CHIC1: variants seen among roughly 807,000 people sequenced by gnomAD.
CHIC1 encodes the protein cysteine rich hydrophobic domain 1, also known as cysteine-rich hydrophobic domain-containing protein 1.
CHIC1 carries 7 observed loss-of-function variants against 18.5 expected under a neutral mutation model. That is an observed-to-expected ratio of 0.38 (90% CI 0.22 to 0.71). The LOEUF is 0.71. CHIC1 is among the 30% of genes least tolerant of loss of function. The pLI is 0.49. For synonymous variants in CHIC1, 77 were observed against 73.5 expected, an observed-to-expected ratio of 1.05 and a Z score of -0.25; for missense variants, 159 against 176.9, an observed-to-expected ratio of 0.90 and a Z score of 0.57.
chrX:73,615,666 G>T (rs2057729298), intron 3 of CHIC1, among the ~76,000 whole-genome samples: 1 of 111,060 alleles, frequency 9.0e-6, no homozygotes, highest in Non-Finnish European at 1.9e-5. Flanking sequence ...CACTTGGGGG[G>T]TGGGGTTGGT....
At chrX:73,644,000 A>G (rs985768718) in intron 3 of CHIC1, among the ~76,000 whole-genome samples, 3 of 111,113 alleles carry the variant, frequency 2.7e-5, no homozygotes, top group African/African-American at 9.8e-5. Context: ...TTTGTGGTTT[A>G]TCTACTTTTG....
At chrX:73,643,619 C>T (rs907546631) in intron 3 of CHIC1, among the ~76,000 whole-genome samples, 6 of 111,836 alleles carry the variant, frequency 5.4e-5, no homozygotes, top group South Asian at 3.8e-4. Flanking sequence ...TCATTCATTT[C>T]GTCTTCCATC....
chrX:73,584,636 G>T (rs2057544667), intron 3 of CHIC1, 64 bp downstream of exon 3: 2 of 820,940 alleles, frequency 2.4e-6, no homozygotes, highest in Non-Finnish European at 1.7e-6. Flanking sequence ...CTTACTATGT[G>T]CTATGAACTC....
intron 3 of CHIC1, among the ~76,000 whole-genome samples, chrX:73,650,677 G>A (rs58558464): frequency 0.053 from 4,793 of 90,852 alleles, 371 homozygotes; most frequent in African/African-American, 0.18. Flanking sequence ...CTGAAATTGA[G>A]GCAGTAATTA....
chrX:73,585,545 C>G (rs908215769), intron 3 of CHIC1, among the ~76,000 whole-genome samples: 2 of 111,094 alleles, frequency 1.8e-5, no homozygotes, highest in African/African-American at 6.5e-5. Flanking sequence ...AAAAAGCTGA[C>G]AGCATAAATT....
In CHIC1 at chrX:73,568,309, A is replaced by G. The variant is rs1459967776; in HGVS notation, c.296+4729A>G. 4.5e-5 allele frequency among the ~76,000 whole-genome samples: 5 copies of G among 112,011 alleles called. No homozygotes were observed. In the Admixed American group the frequency reaches 4.7e-4, roughly 11 times the overall value. On this transcript the variant is annotated intron_variant, in intron 1 of 5. Coordinates refer to ENST00000373502, the MANE Select transcript of CHIC1 (RefSeq NM_001039840.4). ...TACTTTAACAAGATATTAATCTTTT[A>G]ACATGAAATTCATTATGATTTCTTA...
chrX:73,661,799 C>G (rs1007895440), intron 3 of CHIC1, among the ~76,000 whole-genome samples: 1 of 111,052 alleles, frequency 9.0e-6, no homozygotes, highest in Non-Finnish European at 1.9e-5. Flanking sequence ...GCTAGTAAAT[C>G]CAGAATGAGT....
At chrX:73,585,775 A>G (rs1349352271) in intron 3 of CHIC1, among the ~76,000 whole-genome samples, 2 of 110,777 alleles carry the variant, frequency 1.8e-5, no homozygotes, top group African/African-American at 6.5e-5. Flanking sequence ...CACTTTGTCT[A>G]TTTGTTAATA....
At chrX:73,592,488 T>C (rs1258829882) in intron 3 of CHIC1, among the ~76,000 whole-genome samples, 1 of 112,035 alleles carries the variant, frequency 8.9e-6, no homozygotes, top group Non-Finnish European at 1.9e-5. Context: ...TTTTGTCCTG[T>C]TTATGTGGTG....
chrX:73,579,090 C>T (rs1238050261), intron 2 of CHIC1, among the ~76,000 whole-genome samples: 2 of 110,033 alleles, frequency 1.8e-5, no homozygotes, highest in African/African-American at 6.5e-5. Flanking sequence ...TTTAATTTAA[C>T]CCTGCAAGGT....
chrX:73,584,410 C>T lies in CHIC1; in HGVS notation c.352-7C>T. 2 of 1,185,118 alleles carry T rather than the reference C, an allele frequency of 1.7e-6. No homozygotes were observed. Among genetic ancestry groups the T allele is most frequent in the Non-Finnish European group, 2.3e-6 (2 of 880,919 alleles). Reference sequence around the variant, plus strand: ...CACAAACTGTTAAAGATTGTACCCTCTTGTAGGTGGCCCCAGAAGAATTTA... The same window carrying T: ...CACAAACTGTTAAAGATTGTACCCTTTTGTAGGTGGCCCCAGAAGAATTTA... On this transcript the variant is annotated splice_region_variant and splice_polypyrimidine_tract_variant and intron_variant, in intron 2 of 5. Coordinates refer to ENST00000373502, the MANE Select transcript of CHIC1 (RefSeq NM_001039840.4).
In CHIC1 at chrX:73,563,443, A is replaced by AGAG; in HGVS notation, c.171_173dup (p.Glu68dup). 2 of 1,159,232 alleles carry AGAG rather than the reference A, an allele frequency of 1.7e-6. No individual in the cohort carries two copies. Among genetic ancestry groups the AGAG allele is most frequent in the Non-Finnish European group, 2.3e-6 (2 of 868,730 alleles). On this transcript the variant is annotated inframe_insertion, in exon 1 of 6. Transcript: ENST00000373502. The stretch of plus-strand genomic sequence containing the variant: ...AGGAGGATGAGGAGGAAGAGGAGGA[A>AGAG]GAGGAGGAGGAGGAAGAAGAGGAGG...
At chrX:73,590,614 A>G (rs2057576937) in intron 3 of CHIC1, among the ~76,000 whole-genome samples, 1 of 111,527 alleles carries the variant, frequency 9.0e-6, no homozygotes, top group Non-Finnish European at 1.9e-5. Context: ...ATTATGCTAC[A>G]CCTATTTCAT....
At chrX:73,674,531 A>G (rs887460508) in intron 3 of CHIC1, among the ~76,000 whole-genome samples, 1 of 111,278 alleles carries the variant, frequency 9.0e-6, no homozygotes, top group Non-Finnish European at 1.9e-5. Flanking sequence ...AGAGCTGTTT[A>G]TAGTATTCTC....
chrX:73,570,904 G>T (rs2057467455), intron 1 of CHIC1, among the ~76,000 whole-genome samples: 1 of 111,179 alleles, frequency 9.0e-6, no homozygotes, highest in Non-Finnish European at 1.9e-5. Flanking sequence ...AAGAGAAAAA[G>T]TTCTGAGAAG....
intron 3 of CHIC1, among the ~76,000 whole-genome samples, chrX:73,668,941 G>C (rs768886505): frequency 8.9e-6 from 1 of 112,934 alleles, no homozygotes; most frequent in African/African-American, 3.2e-5. Context: ...GGCTAGACCA[G>C]CTGATAAGCC....
intron 3 of CHIC1, among the ~76,000 whole-genome samples, chrX:73,643,113 T>C (rs1037286238): frequency 9.0e-6 from 1 of 111,701 alleles, no homozygotes; most frequent in African/African-American, 3.3e-5. Flanking sequence ...ATTTTATTTC[T>C]CCTTCACTTA....
intron 3 of CHIC1, among the ~76,000 whole-genome samples, chrX:73,647,518 C>T (rs1005768727): frequency 3.6e-5 from 4 of 112,296 alleles, no homozygotes; most frequent in African/African-American, 1.3e-4. Flanking sequence ...ACAATTTTCC[C>T]CTGCTGGAGC....
chrX:73,586,885 A>G (rs1267809064), intron 3 of CHIC1, among the ~76,000 whole-genome samples: 1 of 112,062 alleles, frequency 8.9e-6, no homozygotes, highest in African/African-American at 3.2e-5. Context: ...TTAAAGAACC[A>G]AATAGTAAAT....
Sources: allele counts gnomAD v4.1 joint callset (sites outside exome capture counted in the v4.1 genomes callset), GRCh38; gene constraint gnomAD v4.1.1; transcripts MANE v1.5; gene names NCBI Gene and HGNC (gene_info 2026-07-23, HGNC 2026-07-21).